CREBBP: variants seen among roughly 807,000 people sequenced by gnomAD.
CREBBP encodes CREB binding lysine acetyltransferase.
In CREBBP, 19 loss-of-function variants were observed where a neutral mutation model predicts 265.0. The observed-to-expected ratio is 0.07, with a 90% CI of 0.05 to 0.11. CREBBP has a LOEUF of 0.11. CREBBP is among the 10% of genes least tolerant of loss of function. The probability of loss-of-function intolerance (pLI) is 1.00; values close to 1 mark genes in which losing one functional copy is unlikely to be tolerated. For synonymous variants in CREBBP, 1,457 were observed against 1,223.7 expected (o/e 1.19, Z -3.98); for missense variants, 2,525 against 3,219.0 (o/e 0.78, Z 5.22).
intron 3 of CREBBP, among the ~76,000 whole-genome samples, chr16:3,801,723 A>C (rs893736505): frequency 6.6e-6 from 1 of 152,160 alleles, no homozygotes; most frequent in African/African-American, 2.4e-5. Context: ...AGATGGTGTG[A>C]TGCTGGTAAT....
intron 21 of CREBBP, among the ~76,000 whole-genome samples, chr16:3,746,639 A>C (rs1240722523): frequency 6.6e-6 from 1 of 152,194 alleles, no homozygotes; most frequent in Non-Finnish European, 1.5e-5. Context: ...GTCAGGGGAA[A>C]GGAGTGTCCC....
At chr16:3,848,583 C>T (rs557584884) in intron 2 of CREBBP, among the ~76,000 whole-genome samples, 1 of 152,164 alleles carries the variant, frequency 6.6e-6, no homozygotes, top group East Asian at 1.9e-4. Flanking sequence ...TTAAAGAAAT[C>T]TCTTTGGGGT....
At chr16:3,832,361 A>C (rs1167612085) in intron 2 of CREBBP, among the ~76,000 whole-genome samples, 2 of 152,228 alleles carry the variant, frequency 1.3e-5, no homozygotes, top group Non-Finnish European at 2.9e-5. Flanking sequence ...AAAACAAATA[A>C]GAACACTCCA....
intron 2 of CREBBP, among the ~76,000 whole-genome samples, chr16:3,826,347 G>A (rs1327408198): frequency 6.6e-6 from 1 of 152,144 alleles, no homozygotes; most frequent in African/African-American, 2.4e-5. Flanking sequence ...AAATTATGTA[G>A]ACACTTTGCC....
chr16:3,756,919 G>A (rs892053368), intron 19 of CREBBP, among the ~76,000 whole-genome samples: 1 of 152,150 alleles, frequency 6.6e-6, no homozygotes. Context: ...CAAGTAGTAC[G>A]GCAAGACTTG....
intron 23 of CREBBP, chr16:3,741,157 C>A: frequency 5.9e-6 from 1 of 169,080 alleles, no homozygotes; most frequent in Admixed American, 5.5e-5. Context: ...CCCGCCGCCA[C>A]CCCTCCTCAC....
At chr16:3,794,413 T>C (rs1008439444) in intron 3 of CREBBP, among the ~76,000 whole-genome samples, 1 of 147,750 alleles carries the variant, frequency 6.8e-6, no homozygotes, top group Admixed American at 6.7e-5. Context: ...ACATTTGATG[T>C]AGCAAAAAGA....
At chr16:3,730,073 G>A (rs1490028925) in intron 30 of CREBBP, among the ~76,000 whole-genome samples, 199 bp from the exon 31 acceptor site, 4 of 151,668 alleles carry the variant, frequency 2.6e-5, no homozygotes, top group African/African-American at 7.3e-5. Context: ...GATCATGGAC[G>A]GGATGGGATC....
intron 2 of CREBBP, among the ~76,000 whole-genome samples, chr16:3,848,437 C>T (rs1414943915): frequency 1.3e-5 from 2 of 152,094 alleles, no homozygotes; most frequent in African/African-American, 4.8e-5. Flanking sequence ...TGATTCTCTC[C>T]CAAGAACACA....
At chr16:3,808,413 T>A (rs1370488114) in intron 3 of CREBBP, among the ~76,000 whole-genome samples, 1 of 152,212 alleles carries the variant, frequency 6.6e-6, no homozygotes, top group Admixed American at 6.5e-5. Flanking sequence ...GGGCCAGGGA[T>A]GCTGCCCAAC....
At chr16:3,773,624 G>T in intron 13 of CREBBP, 127 bp downstream of exon 13, 3 of 990,096 alleles carry the variant, frequency 3.0e-6, no homozygotes, top group Non-Finnish European at 4.5e-6. Flanking sequence ...AAGAGAAGCT[G>T]ATACAAAGAC....
rs191497207 is a variant in CREBBP at position 3,818,665 on chromosome 16, C to G, written c.799-7886G>C. Among the ~76,000 whole-genome samples the G allele has an allele frequency of 4.1e-3, 622 of 152,276 alleles. 3 individuals are homozygous for G. Among genetic ancestry groups the G allele is most frequent in the African/African-American group, 0.014 (601 of 41,560 alleles). On this transcript the variant is annotated intron_variant, in intron 2 of 30. Transcript: ENST00000262367. ...GAGCCCACTAAGTCCATTTTTGCAG[C>G]AGCTGACTACTTCAGCAGTTTTCCT...
At chr16:3,736,378 T>A (rs2052061568) in intron 27 of CREBBP, 175 bp from the exon 28 acceptor site, 1 of 763,286 alleles carries the variant, frequency 1.3e-6, no homozygotes, top group Non-Finnish European at 2.2e-6. Context: ...CCCACCACAG[T>A]GCTGGAGCCC....
Position 3,727,999 on chromosome 16 carries a change from G to T in CREBBP, c.7048C>A (p.Gln2350Lys), listed in dbSNP as rs774932716. 1 of 1,610,316 alleles carries T rather than the reference G, an allele frequency of 6.2e-7. No individual in the cohort carries two copies. The highest frequency in any genetic ancestry group is 1.3e-5 in the African/African-American group (1 of 74,846). ...GGCTGGGACTGGGGCCGTGGAGACTGGACAGGGGCTGGAGACCGCACCTGG... is the reference window on the plus strand; with the variant it reads ...GGCTGGGACTGGGGCCGTGGAGACTTGACAGGGGCTGGAGACCGCACCTGG... ...SNQVRSPAPV[Q>K]SPRPQSQPPH... is the part of the protein sequence containing the mutation. Residue 2350 changes from glutamine (Q) to lysine (K), a missense_variant, in exon 31 of 31, where the codon CAG (glutamine) becomes AAG (lysine). This residue lies in a region of CREBBP where 473 missense variants were observed against 459.3 expected (regional missense o/e 1.03). Transcript: ENST00000262367.
intron 4 of CREBBP, among the ~76,000 whole-genome samples, chr16:3,792,746 G>T (rs922437193): frequency 6.6e-6 from 1 of 152,240 alleles, no homozygotes; most frequent in African/African-American, 2.4e-5. Flanking sequence ...AGAGAATAAA[G>T]ATTAAAGGAA....
intron 5 of CREBBP, among the ~76,000 whole-genome samples, chr16:3,788,441 C>A (rs1211354082): frequency 6.6e-6 from 1 of 152,218 alleles, no homozygotes; most frequent in Non-Finnish European, 1.5e-5. Context: ...ACAAGTGAGG[C>A]AGCATAAGCC....
At chr16:3,767,974 G>T in intron 15 of CREBBP, 65 bp from the exon 16 acceptor site, 1 of 1,493,882 alleles carries the variant, frequency 6.7e-7, no homozygotes, top group Non-Finnish European at 9.3e-7. Flanking sequence ...CAACCTCACG[G>T]GAAGACTCTT....
chr16:3,777,540 G>T, intron 11 of CREBBP, 73 bp downstream of exon 11: 1 of 1,454,608 alleles, frequency 6.9e-7, no homozygotes, highest in Non-Finnish European at 9.7e-7. Flanking sequence ...TACAGGGGGA[G>T]AGGAAAAAAC....
chr16:3,809,477 C>T (rs1429448178), intron 3 of CREBBP, among the ~76,000 whole-genome samples: 2 of 152,182 alleles, frequency 1.3e-5, no homozygotes, highest in African/African-American at 4.8e-5. Flanking sequence ...CGCCCGGCCT[C>T]AACCACCTTT....
Sources: allele counts gnomAD v4.1 joint callset (sites outside exome capture counted in the v4.1 genomes callset), GRCh38; gene constraint gnomAD v4.1.1; regional missense constraint gnomAD v4.1.1; transcripts MANE v1.5; gene names NCBI Gene and HGNC (gene_info 2026-07-23, HGNC 2026-07-21).